Variants in METTL13 observed in about 807,000 individuals in gnomAD.
The protein encoded by METTL13 is methyltransferase 13, eEF1A N-terminus and K55.
METTL13 carries 52 observed loss-of-function variants against 67.4 expected under a neutral mutation model. The observed-to-expected ratio is 0.77, with a 90% CI of 0.62 to 0.97. The LOEUF is 0.97. METTL13 is among the 50% of genes least tolerant of loss of function. The pLI is 0.00. For missense variants in METTL13, 825 were observed against 889.6 expected (o/e 0.93, Z 0.92); for synonymous variants, 354 against 353.6 (o/e 1.00, Z -0.01).
At chr1:171,782,499 T>G (rs1018669438) in intron 1 of METTL13, among the ~76,000 whole-genome samples, 4 of 151,764 alleles carry the variant, frequency 2.6e-5, no homozygotes, top group Admixed American at 2.6e-4. Context: ...GCCCAGGAGG[T>G]CGAGGCTGCA....
rs80313527 is a variant in METTL13 at position 171,786,873 on chromosome 1, A to G, written c.1113+795A>G. Among the ~76,000 whole-genome samples the G allele has an allele frequency of 8.8e-3, 1,336 of 151,940 alleles. 20 individuals carry two copies. The highest frequency in any genetic ancestry group is 0.031 in the African/African-American group (1,264 of 41,414). ...TTTTTTGTAGAGACAGGGTCTCCCT[A>G]TGTTGCCCAAGCTTTGATCCTTCTT... On this transcript the variant is annotated intron_variant, in intron 3 of 7. Transcript: ENST00000361735.
intron 6 of METTL13, among the ~76,000 whole-genome samples, 159 bp downstream of exon 6, chr1:171,792,394 C>T (rs548827475): frequency 1.3e-5 from 2 of 152,340 alleles, no homozygotes; most frequent in East Asian, 1.9e-4. Context: ...ACTAGAGTAC[C>T]AGCTATATGC....
chr1:171,783,516 A>G (rs947618312), intron 1 of METTL13, among the ~76,000 whole-genome samples: 3 of 152,248 alleles, frequency 2.0e-5, no homozygotes, highest in African/African-American at 7.2e-5. Flanking sequence ...GCCCATTCTC[A>G]TATAACCTGT....
rs1362983562 is a variant in METTL13 at position 171,787,915 on chromosome 1, G to A, written c.1294G>A (p.Asp432Asn). 4 of 1,613,434 alleles carry A rather than the reference G, an allele frequency of 2.5e-6. No homozygotes were observed. The highest frequency in any genetic ancestry group is 1.1e-5 in the South Asian group (1 of 91,006). The change falls in exon 4 of 8, where the codon GAT becomes AAT. Residue 432 changes from aspartate to asparagine, a missense_variant. Coordinates refer to ENST00000361735, the MANE Select transcript of METTL13 (RefSeq NM_015935.5). ...GCAGTCCGAAGCCAGGTTGCTGAAG[G>A]ATGTGTCTCACAAAGGTGAGGTGTC... ...VVQSEARLLK[D>N]VSHKAQKKRK...
rs568149566 is a variant in METTL13, at chr1:171,790,700, A to G, written c.1474+84A>G. The G allele has an allele frequency of 1.8e-5, 24 of 1,301,472 alleles. No individual in the cohort carries two copies. In the African/African-American group the frequency reaches 3.5e-4, roughly 19 times the overall value. The allele number at this position is 1,301,472 out of a possible 1,614,324, so 80.6% of individuals were successfully genotyped here. On this transcript the variant is annotated intron_variant, in intron 5 of 7. Coordinates refer to ENST00000361735, the MANE Select transcript of METTL13 (RefSeq NM_015935.5). ...ATTGGTGTCACTTGCATTGTAGTTG[A>G]AGAACAGCAATTACAAGCTGACAAT...
chr1:171,788,590 T>C (rs1252188707), intron 4 of METTL13, among the ~76,000 whole-genome samples: 1 of 152,172 alleles, frequency 6.6e-6, no homozygotes, highest in Non-Finnish European at 1.5e-5. Flanking sequence ...CTTTAAGTGG[T>C]CTCCCAGCTG....
intron 4 of METTL13, among the ~76,000 whole-genome samples, chr1:171,790,217 G>T (rs2124902981): frequency 6.6e-6 from 1 of 152,324 alleles, no homozygotes; most frequent in South Asian, 2.1e-4. Flanking sequence ...CCCGTGACCA[G>T]CATGGTGGCT....
At chr1:171,791,844 T>C (rs1033810165) in intron 5 of METTL13, among the ~76,000 whole-genome samples, 173 bp from the exon 6 acceptor site, 1 of 152,182 alleles carries the variant, frequency 6.6e-6, no homozygotes, top group Admixed American at 6.5e-5. Context: ...CAGGATTCAG[T>C]TATCAGATGT....
chr1:171,794,058 T>C (rs914888373), intron 6 of METTL13, among the ~76,000 whole-genome samples: 9 of 152,210 alleles, frequency 5.9e-5, no homozygotes, highest in African/African-American at 2.2e-4. Flanking sequence ...CCCAAGGTGA[T>C]TGTAATGTTC....
intron 6 of METTL13, 89 bp downstream of exon 6, chr1:171,792,324 A>G: frequency 7.0e-7 from 1 of 1,420,042 alleles, no homozygotes; most frequent in Admixed American, 1.9e-5. Flanking sequence ...TTTATCTCTA[A>G]GAGAGTGGCA....
intron 4 of METTL13, 30 bp downstream of exon 4, chr1:171,787,960 C>T: frequency 1.9e-6 from 3 of 1,607,306 alleles, no homozygotes; most frequent in Non-Finnish European, 2.6e-6. Context: ...GTGGTGGGAC[C>T]CAAGTGGCCG....
Position 171,796,766 on chromosome 1 carries a change from C to G in METTL13, c.*10C>G. ...GGTGAAAATTGTGTGACTGCTTAGG[C>G]CAAGCAGCCCTCCTGCCTAGACTGA... On this transcript the variant is annotated 3_prime_UTR_variant, in exon 8 of 8. Transcript: ENST00000361735. The G allele has an allele frequency of 3.1e-6, 5 of 1,612,222 alleles. No individual in the cohort carries two copies. The highest frequency in any genetic ancestry group is 4.2e-6 in the Non-Finnish European group (5 of 1,178,980).
chr1:171,794,352 T>C (rs760013401), intron 6 of METTL13, 44 bp from the exon 7 acceptor site: 5 of 1,613,290 alleles, frequency 3.1e-6, no homozygotes, highest in Non-Finnish European at 4.2e-6. Flanking sequence ...AATGGTATTA[T>C]TTTATCCAGC....
Position 171,781,781 on chromosome 1 carries a change from G to A in METTL13, c.-187G>A, listed in dbSNP as rs1293773810. 6.4e-6 allele frequency: 9 copies of A among 1,413,260 alleles called. No homozygotes were observed. Among genetic ancestry groups the A allele is most frequent in the Non-Finnish European group, 8.3e-6 (9 of 1,083,766 alleles). 87.5% of individuals were successfully genotyped at this position (1,413,260 alleles called of 1,614,324 possible). A position where few individuals can be genotyped will look rare whatever the true frequency, so the allele number is the denominator to read the frequency against. On this transcript the variant is annotated 5_prime_UTR_variant, in exon 1 of 8. An upstream start codon of the reference 5' UTR is lost. Transcript: ENST00000361735. The stretch of plus-strand genomic sequence containing the variant: ...GCGTGTGTGAGATTCAGTGGTCCAT[G>A]CGTGCGTTTGTCGTGTAAGGGTCAT...
chr1:171,792,566 A>C (rs76865618), intron 6 of METTL13, among the ~76,000 whole-genome samples: 2,217 of 152,354 alleles, frequency 0.015, 70 homozygotes, highest in African/African-American at 0.048. Flanking sequence ...AACAGAGAAG[A>C]AAAGGTGGAA....
At chr1:171,783,036 G>A (rs1571162471) in intron 1 of METTL13, among the ~76,000 whole-genome samples, 1 of 150,990 alleles carries the variant, frequency 6.6e-6, no homozygotes, top group African/African-American at 2.4e-5. Flanking sequence ...TTTTACAGAT[G>A]AGGAAACTGA....
At position 171,785,958 on chromosome 1, in the gene METTL13, G is replaced by C; in HGVS notation, c.993G>C (p.Arg331Ser). 6.2e-7 allele frequency: 1 copy of C among 1,613,954 alleles called. No homozygotes were observed. Among genetic ancestry groups the C allele is most frequent in the Non-Finnish European group, 8.5e-7 (1 of 1,179,988 alleles). ...RKQLAASAGF[R>S]RLITVALHRG... ...AGCTGGCGGCCAGTGCTGGCTTCAG[G>C]AGGTTGATTACAGTGGCCCTTCACC... Residue 331 changes from arginine (R) to serine (S), a missense_variant, in exon 3 of 8, where the codon AGG (arginine) becomes AGC (serine). Coordinates refer to ENST00000361735, the MANE Select transcript of METTL13 (RefSeq NM_015935.5).
intron 4 of METTL13, among the ~76,000 whole-genome samples, chr1:171,789,967 A>C (rs944335084): frequency 6.6e-6 from 1 of 152,228 alleles, no homozygotes; most frequent in East Asian, 1.9e-4. Flanking sequence ...ATTTGTAAAG[A>C]AAAGACTTTT....
Position 171,784,167 on chromosome 1 carries a change from T to C in METTL13, c.581T>C (p.Leu194Ser). 1.9e-6 allele frequency: 3 copies of C among 1,614,244 alleles called. No homozygotes were observed. Among genetic ancestry groups the C allele is most frequent in the Non-Finnish European group, 2.5e-6 (3 of 1,180,050 alleles). Residue 194 changes from leucine to serine, a missense_variant, in exon 2 of 8, where the codon TTG becomes TCG. Transcript: ENST00000361735. ...GTGGCCAACAGCCAGGACCAGGTGT[T>C]GGAAGCAGAGCCTCAGTTCTCCTTG... ...HQVANSQDQV[L>S]EAEPQFSLPV...
Sources: gnomAD v4.1 joint callset for allele counts (sites outside exome capture counted in the v4.1 genomes callset) on GRCh38, gnomAD v4.1.1 for gene constraint, MANE v1.5 for transcripts, NCBI Gene and HGNC (gene_info 2026-07-23, HGNC 2026-07-21) for gene names.